The following CNIH3 variants were observed in gnomAD, a reference collection of about 807,000 sequenced individuals.
CNIH3 encodes cornichon family AMPA receptor auxiliary protein 3.
Under a neutral mutation model 24.1 loss-of-function variants are expected in CNIH3, and 14 were observed. That is an observed-to-expected ratio of 0.58 (90% CI 0.38 to 0.91). CNIH3 has a LOEUF of 0.91. Ranked by LOEUF, CNIH3 falls within the 40% of genes least tolerant of loss-of-function variation. The pLI is 0.00. For synonymous variants in CNIH3, 68 were observed against 73.8 expected (o/e 0.92, Z 0.40); for missense variants, 178 against 196.8 (o/e 0.90, Z 0.57).
intron 1 of CNIH3, among the ~76,000 whole-genome samples, chr1:224,467,804 T>C (rs997683376): frequency 7.2e-5 from 11 of 151,912 alleles, no homozygotes; most frequent in South Asian, 4.1e-4. Flanking sequence ...TTTTTTTTTT[T>C]CCAAAAGTTT....
upstream of CNIH3, chr1:224,615,430 G>A (rs1479684557): frequency 6.6e-6 from 1 of 152,194 alleles, no homozygotes; most frequent in Non-Finnish European, 1.5e-5. Flanking sequence ...CTGGGCCACT[G>A]GGGGAAAGGG....
chr1:224,579,953 G>A (rs570443392), intron 4 of CNIH3, among the ~76,000 whole-genome samples: 1 of 152,232 alleles, frequency 6.6e-6, no homozygotes, highest in East Asian at 1.9e-4. Context: ...CAACACAAAC[G>A]GACAAAGACA....
At chr1:224,710,884 T>G (rs1422926262) in intron 3 of CNIH3, among the ~76,000 whole-genome samples, 1 of 152,226 alleles carries the variant, frequency 6.6e-6, no homozygotes, top group Non-Finnish European at 1.5e-5. Flanking sequence ...TTTTACTGGA[T>G]TTTTAAAAGC....
intron 1 of CNIH3, among the ~76,000 whole-genome samples, chr1:224,517,415 T>G (rs1266514458): frequency 3.9e-5 from 6 of 152,288 alleles, no homozygotes; most frequent in Admixed American, 3.3e-4. Context: ...GGAGTGGCGT[T>G]TGATGCCTCG....
At chr1:224,640,852 C>T (rs935661054) in intron 1 of CNIH3, among the ~76,000 whole-genome samples, 19 of 152,084 alleles carry the variant, frequency 1.2e-4, no homozygotes, top group African/African-American at 4.3e-4. Context: ...GGGGCAGGGG[C>T]TGTTCGGGGC....
intron 1 of CNIH3, among the ~76,000 whole-genome samples, chr1:224,670,497 A>C (rs906549033): frequency 1.3e-5 from 2 of 152,126 alleles, no homozygotes; most frequent in Non-Finnish European, 2.9e-5. Flanking sequence ...CCCACTCATG[A>C]TGAGGGTGGA....
intron 1 of CNIH3, among the ~76,000 whole-genome samples, chr1:224,483,987 A>G (rs1364149752): frequency 6.6e-6 from 1 of 152,066 alleles, no homozygotes; most frequent in East Asian, 1.9e-4. Context: ...CCTGACCAAC[A>G]TGGTGAAACC....
At chr1:224,463,414 C>CTTTT (rs35920703) in intron 1 of CNIH3, among the ~76,000 whole-genome samples, 1 of 147,244 alleles carries the variant, frequency 6.8e-6, no homozygotes, top group Non-Finnish European at 1.5e-5. Flanking sequence ...GAATACAAGT[C>CTTTT]TTTTTTTTTT....
At chr1:224,690,044 G>T (rs10915696) in intron 3 of CNIH3, among the ~76,000 whole-genome samples, 76,626 of 151,784 alleles carry the variant, frequency 0.5, 19,771 homozygotes, top group East Asian at 0.66. Flanking sequence ...TGTTGCATCT[G>T]CAAGTTTAGC....
In CNIH3 at chr1:224,739,472, C is replaced by A; in HGVS notation, c.*116C>A. ...AATGAGGATACGTGAGAAATAGACC[C>A]GGCAGGCAGTCAGACTGAATGGGAG... is the stretch of plus-strand genomic sequence containing the variant. On this transcript the variant is annotated 3_prime_UTR_variant, in exon 6 of 6. Transcript: ENST00000272133. 1 of 1,550,032 alleles carries A rather than the reference C, an allele frequency of 6.5e-7. No homozygotes were observed. Among genetic ancestry groups the A allele is most frequent in the Non-Finnish European group, 8.7e-7 (1 of 1,150,796 alleles).
At chr1:224,524,983 G>C (rs565027363) in intron 2 of CNIH3, among the ~76,000 whole-genome samples, 6 of 152,276 alleles carry the variant, frequency 3.9e-5, no homozygotes, top group African/African-American at 1.4e-4. Flanking sequence ...AATCTGTAGC[G>C]GTTGGGTGCT....
chr1:224,452,175 A>T, intron 1 of CNIH3, among the ~76,000 whole-genome samples: 1 of 143,122 alleles, frequency 7.0e-6, no homozygotes, highest in Non-Finnish European at 1.5e-5. Flanking sequence ...TTTAAGATGG[A>T]GTCTCACTCT....
downstream of CNIH3, among the ~76,000 whole-genome samples, chr1:224,540,231 C>T (rs1463428379): frequency 6.6e-6 from 1 of 152,216 alleles, no homozygotes; most frequent in Non-Finnish European, 1.5e-5. Flanking sequence ...GGTTTTGTCT[C>T]ATGGCCCTGA....
At chr1:224,526,980 G>A (rs1376883355) in intron 2 of CNIH3, among the ~76,000 whole-genome samples, 1 of 152,192 alleles carries the variant, frequency 6.6e-6, no homozygotes, top group Non-Finnish European at 1.5e-5. Flanking sequence ...CCATTCATGA[G>A]GGCTCCAGCC....
chr1:224,470,990 A>G (rs1430252328), intron 1 of CNIH3, among the ~76,000 whole-genome samples: 1 of 152,216 alleles, frequency 6.6e-6, no homozygotes, highest in Non-Finnish European at 1.5e-5. Context: ...AAAGTGTACA[A>G]TTAAATTATT....
intron 3 of CNIH3, among the ~76,000 whole-genome samples, chr1:224,719,377 T>C (rs1043464759): frequency 1.3e-5 from 2 of 152,010 alleles, no homozygotes; most frequent in Admixed American, 1.3e-4. Flanking sequence ...GGATAAAAAT[T>C]ATTGGAGGAA....
At chr1:224,457,108 A>G (rs189390491) in intron 1 of CNIH3, among the ~76,000 whole-genome samples, 1 of 152,200 alleles carries the variant, frequency 6.6e-6, no homozygotes, top group Non-Finnish European at 1.5e-5. Flanking sequence ...CTAGGTCAGC[A>G]GCTCAGGACA....
chr1:224,472,582 G>A (rs369805623), intron 1 of CNIH3, among the ~76,000 whole-genome samples: 1 of 152,184 alleles, frequency 6.6e-6, no homozygotes, highest in Admixed American at 6.6e-5. Flanking sequence ...TGGGAGCTAA[G>A]CTATCAGGAC....
At chr1:224,688,176 A>G (rs1204694865) in intron 3 of CNIH3, among the ~76,000 whole-genome samples, 2 of 152,352 alleles carry the variant, frequency 1.3e-5, no homozygotes, top group South Asian at 4.1e-4. Flanking sequence ...TTTAAAGCTT[A>G]TGCTTTTGTT....
Sources: gnomAD v4.1 joint callset for allele counts (sites outside exome capture counted in the v4.1 genomes callset) on GRCh38, gnomAD v4.1.1 for gene constraint, MANE v1.5 for transcripts, NCBI Gene and HGNC (gene_info 2026-07-23, HGNC 2026-07-21) for gene names.